Variants in ERICH1 observed in about 807,000 individuals in gnomAD.
ERICH1 encodes the protein glutamate rich 1.
Under a neutral mutation model 39.6 loss-of-function variants are expected in ERICH1, and 56 were observed. The observed-to-expected ratio is 1.41, with a 90% CI of 1.14 to 1.77. The LOEUF is 1.77. ERICH1 is among the 40% of genes most tolerant of loss of function. The probability of loss-of-function intolerance (pLI) is 0.00; values close to 1 mark genes in which losing one functional copy is unlikely to be tolerated. For synonymous variants in ERICH1, 313 were observed against 223.6 expected, an observed-to-expected ratio of 1.40 and a Z score of -3.57; for missense variants, 826 against 575.4, an observed-to-expected ratio of 1.44 and a Z score of -4.45.
At chr8:677,488 G>A (rs976944915) in intron 3 of ERICH1, among the ~76,000 whole-genome samples, 3 of 152,148 alleles carry the variant, frequency 2.0e-5, no homozygotes, top group Admixed American at 1.3e-4. Flanking sequence ...CCTTCATCTC[G>A]CTCCTCACTC....
intron 3 of ERICH1, among the ~76,000 whole-genome samples, chr8:680,894 G>C (rs946724398): frequency 6.6e-6 from 1 of 152,226 alleles, no homozygotes; most frequent in African/African-American, 2.4e-5. Context: ...ATCCACTGGG[G>C]CTTCCTGGAC....
chr8:716,686 A>T (rs920530070), intron 1 of ERICH1, among the ~76,000 whole-genome samples: 1 of 152,234 alleles, frequency 6.6e-6, no homozygotes, highest in South Asian at 2.1e-4. Context: ...TGGTTAATAA[A>T]CAGGCAGCTG....
chr8:712,557 G>C (rs2132314877), intron 2 of ERICH1, among the ~76,000 whole-genome samples: 1 of 152,282 alleles, frequency 6.6e-6, no homozygotes, highest in East Asian at 1.9e-4. Flanking sequence ...AGCCTCTCGA[G>C]TAGCTGGGAC....
intron 4 of ERICH1, among the ~76,000 whole-genome samples, chr8:670,534 C>A (rs1803063539): frequency 6.6e-6 from 1 of 152,192 alleles, no homozygotes; most frequent in South Asian, 2.1e-4. Flanking sequence ...AGGGTGGCCA[C>A]ACATTTGGGA....
At chr8:665,400 C>T (rs1332046655) in intron 5 of ERICH1, among the ~76,000 whole-genome samples, 1 of 152,206 alleles carries the variant, frequency 6.6e-6, no homozygotes, top group Non-Finnish European at 1.5e-5. Flanking sequence ...TCAGGTTTTA[C>T]AACTTGTCCG....
chr8:664,567 G>T lies in ERICH1; in HGVS notation c.*36C>A, dbSNP rs1258820633. On this transcript the variant is annotated 3_prime_UTR_variant, in exon 6 of 6. Coordinates refer to ENST00000262109, the MANE Select transcript of ERICH1 (RefSeq NM_207332.3). The stretch of plus-strand genomic sequence containing the variant: ...TCACATTTGTCTTTTAAGTTTTTTT[G>T]TTAAAGAGGAGCTGTTCTTAAAGAG... 2 of 1,576,232 alleles carry T rather than the reference G, an allele frequency of 1.3e-6. No homozygotes were observed. The highest frequency in any genetic ancestry group is 1.2e-5 in the South Asian group (1 of 83,652).
intron 5 of ERICH1, among the ~76,000 whole-genome samples, chr8:665,070 G>A (rs1053009997): frequency 6.6e-6 from 1 of 152,224 alleles, no homozygotes; most frequent in African/African-American, 2.4e-5. Flanking sequence ...GTAGAAAAAA[G>A]CCAGAAGTGG....
intron 3 of ERICH1, among the ~76,000 whole-genome samples, chr8:625,335 C>A (rs1488958187): frequency 6.6e-6 from 1 of 152,130 alleles, no homozygotes; most frequent in African/African-American, 2.4e-5. Context: ...GGAATAAACC[C>A]TGAAACCACG....
chr8:663,563 A>G (rs1801750908), downstream of ERICH1, among the ~76,000 whole-genome samples: 1 of 152,132 alleles, frequency 6.6e-6, no homozygotes, highest in Non-Finnish European at 1.5e-5. Flanking sequence ...CAGGGCACAC[A>G]TGGGTCCTGG....
chr8:699,952 C>A (rs1811470377), intron 2 of ERICH1, among the ~76,000 whole-genome samples: 2 of 142,480 alleles, frequency 1.4e-5, no homozygotes, highest in African/African-American at 5.2e-5. Context: ...CACACGCGCA[C>A]AGGCCCGCAC....
chr8:678,928 G>A (rs565414062), intron 3 of ERICH1, among the ~76,000 whole-genome samples: 4 of 152,100 alleles, frequency 2.6e-5, no homozygotes, highest in South Asian at 2.1e-4. Flanking sequence ...TCTGACGACC[G>A]TCACAGCTCT....
In ERICH1 at chr8:700,514, AGG is replaced by A. The variant is rs1491570787; in HGVS notation, c.170-7904_170-7903del. On this transcript the variant is annotated intron_variant, in intron 2 of 5. Coordinates refer to ENST00000262109, the MANE Select transcript of ERICH1 (RefSeq NM_207332.3). ...CCCGCACACGCGCACAGGCCCGCAC[AGG>A]CGCACAGGCCCGCACAGGCGCACAG... Among the ~76,000 whole-genome samples the A allele has an allele frequency of 8.2e-5, 11 of 133,786 alleles. 2 individuals carry two copies. Among genetic ancestry groups the A allele is most frequent in the African/African-American group, 2.8e-4 (10 of 35,620 alleles). 87.8% of individuals were successfully genotyped at this position (133,786 alleles called of 152,430 possible). A position where few individuals can be genotyped will look rare whatever the true frequency, so the allele number is the denominator to read the frequency against.
intron 2 of ERICH1, among the ~76,000 whole-genome samples, chr8:708,681 G>GTTTTTTGTTTTTTTTTTTTTGTTTTT: frequency 1.5e-5 from 1 of 65,816 alleles, no homozygotes; most frequent in Non-Finnish European, 3.0e-5. Context: ...GGGATAATGA[G>GTTTTTTGTTTTTTTTTTTTTGTTTTT]TTTTTTTTTT....
At chr8:707,147 G>A (rs950571062) in intron 2 of ERICH1, among the ~76,000 whole-genome samples, 2 of 151,218 alleles carry the variant, frequency 1.3e-5, no homozygotes, top group African/African-American at 4.8e-5. Context: ...TACATCAATG[G>A]AATAGAATTG....
chr8:706,635 C>T (rs1156703737), intron 2 of ERICH1, among the ~76,000 whole-genome samples: 1 of 152,046 alleles, frequency 6.6e-6, no homozygotes, highest in Non-Finnish European at 1.5e-5. Flanking sequence ...AAAAATTAGT[C>T]GGACGTGGTG....
At chr8:695,852 C>T (rs1323137916) in intron 2 of ERICH1, among the ~76,000 whole-genome samples, 13 of 138,216 alleles carry the variant, frequency 9.4e-5, no homozygotes, top group Non-Finnish European at 2.0e-4. Context: ...TCAGCCTGCA[C>T]CTGTGCTCGC....
intron 3 of ERICH1, among the ~76,000 whole-genome samples, chr8:620,036 A>G (rs999352590): frequency 6.6e-5 from 10 of 152,214 alleles, no homozygotes; most frequent in Admixed American, 2.6e-4. Context: ...AAAGTGGGCC[A>G]GGCGTGGTGG....
intron 2 of ERICH1, among the ~76,000 whole-genome samples, chr8:706,206 A>C (rs1235683379): frequency 6.6e-6 from 1 of 152,250 alleles, no homozygotes; most frequent in Non-Finnish European, 1.5e-5. Flanking sequence ...ACCGTTGTTA[A>C]GTGATGTGTG....
intron 1 of ERICH1, among the ~76,000 whole-genome samples, chr8:724,316 T>C (rs1195719615): frequency 6.6e-6 from 1 of 152,098 alleles, no homozygotes; most frequent in Non-Finnish European, 1.5e-5. Flanking sequence ...TCTCTACAAA[T>C]AAAAAAGGAG....
Sources: gnomAD v4.1 joint callset for allele counts (sites outside exome capture counted in the v4.1 genomes callset) on GRCh38, gnomAD v4.1.1 for gene constraint, MANE v1.5 for transcripts, NCBI Gene and HGNC (gene_info 2026-07-23, HGNC 2026-07-21) for gene names.